The following SNAP25 variants were observed in gnomAD, a reference collection of about 807,000 sequenced individuals.
The protein encoded by SNAP25 is synaptosome associated protein 25, also known as synaptosomal-associated protein 25.
SNAP25 carries 3 observed loss-of-function variants against 28.7 expected under a neutral mutation model. The ratio of observed to expected loss-of-function variants is 0.10; its 90% CI spans 0.05 to 0.27. The LOEUF (loss-of-function observed/expected upper bound fraction) is 0.27. Among genes scored for constraint, SNAP25 ranks in the 10% least tolerant of loss-of-function variants. The pLI is 1.00. For missense variants in SNAP25, 117 were observed against 278.7 expected (o/e 0.42, Z 4.13); for synonymous variants, 61 against 88.1 (o/e 0.69, Z 1.72).
chr20:10,224,552 G>T (rs866669950), intron 1 of SNAP25, among the ~76,000 whole-genome samples: 1 of 151,880 alleles, frequency 6.6e-6, no homozygotes, highest in Non-Finnish European at 1.5e-5. Context: ...AATGGGTCCT[G>T]GCCTAGTGAC....
intron 1 of SNAP25, among the ~76,000 whole-genome samples, chr20:10,231,854 C>G (rs557016742): frequency 6.6e-6 from 1 of 152,232 alleles, no homozygotes; most frequent in Admixed American, 6.5e-5. Context: ...CTAAAAATAT[C>G]TGAAATGGAA....
chr20:10,292,859 T>C, intron 4 of SNAP25: 1 of 1,523,286 alleles, frequency 6.6e-7, no homozygotes, highest in Non-Finnish European at 8.9e-7. Flanking sequence ...CATTCCACAC[T>C]GTCATCCCTT....
chr20:10,273,449 C>T (rs994996330), intron 1 of SNAP25, among the ~76,000 whole-genome samples: 1 of 152,184 alleles, frequency 6.6e-6, no homozygotes, highest in Non-Finnish European at 1.5e-5. Flanking sequence ...ATATTGTTTG[C>T]TCACGTAAGA....
At position 10,270,242 on chromosome 20, in the gene SNAP25, G is replaced by A. The variant is rs189889304; in HGVS notation, c.-63-5187G>A. On this transcript the variant is annotated intron_variant, in intron 1 of 7. Coordinates refer to ENST00000254976, the MANE Select transcript of SNAP25 (RefSeq NM_130811.4). ...GCACTCCAGCCTGGGCAACAAGAGC[G>A]AAACTCTATCTCAAAAACAGCAAGA... is the stretch of plus-strand genomic sequence containing the variant. 6.6e-5 allele frequency among the ~76,000 whole-genome samples: 10 copies of A among 152,008 alleles called. No individual in the cohort carries two copies. In the South Asian group the frequency reaches 8.3e-4, roughly 13 times the overall value.
intron 1 of SNAP25, among the ~76,000 whole-genome samples, chr20:10,220,256 A>G (rs1335250972): frequency 2.0e-5 from 3 of 152,242 alleles, no homozygotes; most frequent in Non-Finnish European, 4.4e-5. Flanking sequence ...GCAATCAGGC[A>G]TGAATACAAG....
intron 1 of SNAP25, among the ~76,000 whole-genome samples, chr20:10,269,797 T>C (rs1321797015): frequency 5.9e-5 from 9 of 152,222 alleles, no homozygotes; most frequent in African/African-American, 2.2e-4. Flanking sequence ...AATTTTCACA[T>C]GTCACAAAAT....
intron 1 of SNAP25, among the ~76,000 whole-genome samples, chr20:10,233,258 A>ACCGTAACCC (rs1568574662): frequency 6.6e-6 from 1 of 152,044 alleles, no homozygotes; most frequent in African/African-American, 2.4e-5. Context: ...AGCCAAACCA[A>ACCGTAACCC]AGATTCTGTC....
intron 1 of SNAP25, chr20:10,219,699 G>T (rs1219371680): frequency 1.3e-5 from 2 of 152,426 alleles, no homozygotes; most frequent in Middle Eastern, 3.4e-3. Flanking sequence ...CGGTCCGGCC[G>T]CAGCGCCTCA....
intron 1 of SNAP25, among the ~76,000 whole-genome samples, chr20:10,240,487 G>A (rs116850440): frequency 0.012 from 1,836 of 152,252 alleles, 23 homozygotes; most frequent in South Asian, 0.032. Context: ...TCAAGAGAAG[G>A]AGATGATAAA....
intron 1 of SNAP25, among the ~76,000 whole-genome samples, chr20:10,224,642 G>A (rs777116018): frequency 2.6e-4 from 40 of 151,780 alleles, no homozygotes; most frequent in Non-Finnish European, 4.0e-4. Flanking sequence ...TACATTCATC[G>A]CCTCCCTCAT....
intron 3 of SNAP25, 87 bp downstream of exon 3, chr20:10,277,813 C>A: frequency 8.1e-7 from 1 of 1,237,166 alleles, no homozygotes; most frequent in Non-Finnish European, 1.2e-6. Context: ...TTCCTTGGGC[C>A]ATGATCCCCT....
intron 1 of SNAP25, among the ~76,000 whole-genome samples, chr20:10,251,030 G>A (rs567508462): frequency 1.2e-4 from 18 of 152,222 alleles, no homozygotes; most frequent in African/African-American, 4.3e-4. Context: ...TTCCTAGAAG[G>A]TATCCCCATC....
At chr20:10,237,254 C>A (rs1311911342) in intron 1 of SNAP25, among the ~76,000 whole-genome samples, 3 of 152,154 alleles carry the variant, frequency 2.0e-5, no homozygotes, top group African/African-American at 2.4e-5. Flanking sequence ...GATTGCCTAA[C>A]CTGAAAGGCA....
intron 1 of SNAP25, among the ~76,000 whole-genome samples, chr20:10,237,233 C>A (rs2062940826): frequency 6.6e-6 from 1 of 152,070 alleles, no homozygotes; most frequent in African/African-American, 2.4e-5. Context: ...AGAGAGTGTA[C>A]AACATGCCTG....
At chr20:10,254,828 T>TA (rs1408162082) in intron 1 of SNAP25, among the ~76,000 whole-genome samples, 1 of 152,220 alleles carries the variant, frequency 6.6e-6, no homozygotes, top group African/African-American at 2.4e-5. Context: ...TTTAATGCAC[T>TA]GGGCAGTCTC....
intron 1 of SNAP25, among the ~76,000 whole-genome samples, chr20:10,226,431 A>G (rs916518787): frequency 2.3e-4 from 35 of 152,162 alleles, no homozygotes; most frequent in Admixed American, 2.0e-3. Flanking sequence ...TTCATTAATT[A>G]ATCCATTGAA....
intron 5 of SNAP25, among the ~76,000 whole-genome samples, chr20:10,295,926 T>C (rs982372731): frequency 2.6e-5 from 4 of 152,082 alleles, no homozygotes; most frequent in Non-Finnish European, 4.4e-5. Context: ...ATTAAACCAC[T>C]CTCCTCCATT....
At chr20:10,219,469 G>C (rs1451706849) in intron 1 of SNAP25, 1 of 152,204 alleles carries the variant, frequency 6.6e-6, no homozygotes, top group Non-Finnish European at 1.5e-5. Context: ...CTGCTGCAGC[G>C]ACAGCAGCCT....
At chr20:10,253,929 C>A (rs1411038411) in intron 1 of SNAP25, among the ~76,000 whole-genome samples, 2 of 152,184 alleles carry the variant, frequency 1.3e-5, no homozygotes, top group Admixed American at 1.3e-4. Context: ...TGCTGACTGG[C>A]AGGGTTCCCT....
Sources: gnomAD v4.1 joint callset for allele counts (sites outside exome capture counted in the v4.1 genomes callset) on GRCh38, gnomAD v4.1.1 for gene constraint, MANE v1.5 for transcripts, NCBI Gene and HGNC (gene_info 2026-07-23, HGNC 2026-07-21) for gene names.